The following EPRS1 variants were observed in gnomAD, a reference collection of about 807,000 sequenced individuals.
EPRS1 encodes the protein glutamyl-prolyl-tRNA synthetase 1, also known as bifunctional glutamate/proline--tRNA ligase.
In EPRS1, 107 loss-of-function variants were observed where a neutral mutation model predicts 188.3. The ratio of observed to expected loss-of-function variants is 0.57; its 90% CI spans 0.49 to 0.67. The LOEUF is 0.67. Among genes scored for constraint, EPRS1 ranks in the 30% least tolerant of loss-of-function variants. The pLI, the probability that EPRS1 is intolerant of heterozygous loss-of-function variation, is 0.00. For missense variants in EPRS1, 1,577 were observed against 1,802.2 expected, an observed-to-expected ratio of 0.88 and a Z score of 2.26; for synonymous variants, 596 against 593.1, an observed-to-expected ratio of 1.00 and a Z score of -0.07.
In EPRS1 at chr1:220,019,072, G is replaced by C. The variant is rs1386336059; in HGVS notation, c.1357C>G (p.Pro453Ala). ...ACACCACGAACCGTAGGAAATCTTG[G>C]GTCATCCCTGGAAATATGTAAATTT... ...NEGLVDGWDD[P>A]RFPTVRGVLR... The change falls in exon 11 of 32, where the codon CCA (proline) becomes GCA (alanine). Residue 453 changes from proline (P) to alanine (A), a missense_variant. This residue lies in a region of EPRS1 where 1,278 missense variants were observed against 1,457.4 expected (regional missense o/e 0.88). Coordinates refer to ENST00000366923, the MANE Select transcript of EPRS1 (RefSeq NM_004446.3). 1 of 1,609,854 alleles carries C rather than the reference G, an allele frequency of 6.2e-7. No homozygotes were observed. The highest frequency in any genetic ancestry group is 1.7e-5 in the Admixed American group (1 of 59,928).
intron 13 of EPRS1, among the ~76,000 whole-genome samples, chr1:220,008,563 T>C (rs1661541765): frequency 6.6e-6 from 1 of 152,198 alleles, no homozygotes; most frequent in African/African-American, 2.4e-5. Flanking sequence ...AAATAAAAAA[T>C]ACTTTGCGAC....
chr1:220,038,390 C>CTTTTT (rs71169431), intron 2 of EPRS1, among the ~76,000 whole-genome samples: 12,224 of 101,478 alleles, frequency 0.12, 2,150 homozygotes, highest in East Asian at 0.31. Context: ...CTCAGTTTAT[C>CTTTTT]TTTTTTTTTT....
Position 219,979,587 on chromosome 1 carries a change from T to C in EPRS1, c.3740A>G (p.Asn1247Ser). The part of the protein sequence containing the change: ...QGGTSHHLGQ[N>S]FSKMFEIVFE... ...AACGATTTCAAACATTTTGGAAAAA[T>C]TCTGCCCTAAATGATGTGATGTTCC... The change falls in exon 27 of 32, where the codon AAT (asparagine) becomes AGT (serine). Residue 1247 changes from asparagine to serine, a missense_variant. Around this residue, in one of 3 missense-constraint regions of EPRS1, gnomAD observed 296 missense variants for 327.9 expected, o/e 0.90. Coordinates refer to ENST00000366923, the MANE Select transcript of EPRS1 (RefSeq NM_004446.3). 6.2e-7 allele frequency: 1 copy of C among 1,613,758 alleles called. No homozygotes were observed. Among genetic ancestry groups the C allele is most frequent in the Non-Finnish European group, 8.5e-7 (1 of 1,179,732 alleles).
intron 30 of EPRS1, among the ~76,000 whole-genome samples, chr1:219,970,949 A>T (rs965884244): frequency 6.6e-6 from 1 of 152,200 alleles, no homozygotes. Flanking sequence ...ACAGAATAGT[A>T]AAATGAAAGC....
At chr1:220,023,005 T>A (rs1661907481) in intron 8 of EPRS1, among the ~76,000 whole-genome samples, 1 of 152,200 alleles carries the variant, frequency 6.6e-6, no homozygotes, top group South Asian at 2.1e-4. Flanking sequence ...CGTGCCTATC[T>A]AAAGAACACA....
At chr1:220,022,197 T>G (rs1661890853) in intron 9 of EPRS1, 150 bp downstream of exon 9, 1 of 643,534 alleles carries the variant, frequency 1.6e-6, no homozygotes, top group Admixed American at 2.9e-5. Flanking sequence ...CGTGAAAGGC[T>G]ACATGCCTTT....
intron 17 of EPRS1, among the ~76,000 whole-genome samples, chr1:219,998,314 A>G (rs1661275187): frequency 6.6e-6 from 1 of 152,136 alleles, no homozygotes; most frequent in Non-Finnish European, 1.5e-5. Flanking sequence ...CTCAAGCTGT[A>G]TCAGAGTTGC....
chr1:219,978,949 T>C (rs980927701), intron 27 of EPRS1, among the ~76,000 whole-genome samples: 80 of 50,364 alleles, frequency 1.6e-3, no homozygotes, highest in African/African-American at 5.4e-3. Context: ...TGTGTGTGTA[T>C]ATATATATAT....
rs1255998611 is a variant in EPRS1 at position 220,022,553 on chromosome 1, C to T, written c.944-35G>A. The T allele has an allele frequency of 2.0e-6, 3 of 1,509,510 alleles. No individual in the cohort carries two copies. In the African/African-American group the frequency reaches 4.2e-5, roughly 21 times the overall value. 93.5% of individuals were successfully genotyped at this position (1,509,510 alleles called of 1,614,324 possible). On this transcript the variant is annotated intron_variant, in intron 8 of 31. Transcript: ENST00000366923. ...GATAATTACATTACGGTTCACTAAT[C>T]TGGTTAAATTCAAATTATTCTCATA...
intron 2 of EPRS1, among the ~76,000 whole-genome samples, chr1:220,038,485 G>GGGCTCAGGTGATCATCCT (rs1441468300): frequency 8.3e-5 from 12 of 145,004 alleles, no homozygotes; most frequent in Admixed American, 6.6e-4. Flanking sequence ...TCCGTCTCGT[G>GGGCTCAGGTGATCATCCT]GGCTCAGGTG....
In EPRS1 at chr1:219,980,744, A is replaced by G; in HGVS notation, c.3555+12T>C. ...ATGGAACATAGTTAATATGGAAAAT[A>G]ACTTTTTATACCTCTTCCGCTGCCT... is the stretch of plus-strand genomic sequence containing the variant. On this transcript the variant is annotated intron_variant, in intron 25 of 31. Coordinates refer to ENST00000366923, the MANE Select transcript of EPRS1 (RefSeq NM_004446.3). 1 of 1,579,368 alleles carries G rather than the reference A, an allele frequency of 6.3e-7. No homozygotes were observed. The highest frequency in any genetic ancestry group is 8.7e-7 in the Non-Finnish European group (1 of 1,151,296).
intron 17 of EPRS1, among the ~76,000 whole-genome samples, chr1:219,999,003 C>T (rs1661292279): frequency 6.6e-6 from 1 of 150,456 alleles, no homozygotes; most frequent in Non-Finnish European, 1.5e-5. Context: ...AAGAAGCATG[C>T]AGGAACAAGC....
At chr1:220,022,648 T>A in intron 8 of EPRS1, 130 bp from the exon 9 acceptor site, 1 of 729,992 alleles carries the variant, frequency 1.4e-6, no homozygotes, top group Non-Finnish European at 2.2e-6. Flanking sequence ...AAAAACACTG[T>A]AATATTTCCA....
chr1:219,986,428 C>T (rs1405155146), intron 20 of EPRS1, among the ~76,000 whole-genome samples: 2 of 152,198 alleles, frequency 1.3e-5, no homozygotes, highest in Non-Finnish European at 2.9e-5. Flanking sequence ...ATTTCCCCCA[C>T]TTGATCTGCG....
chr1:219,978,052 A>G (rs2102561878), intron 28 of EPRS1, among the ~76,000 whole-genome samples: 1 of 152,340 alleles, frequency 6.6e-6, no homozygotes, highest in East Asian at 1.9e-4. Context: ...TACAAACAAT[A>G]AAGCAGAATT....
Position 220,046,481 on chromosome 1 carries a change from C to A in EPRS1, c.-93G>T. On this transcript the variant is annotated 5_prime_UTR_variant, in exon 1 of 32. Coordinates refer to ENST00000366923, the MANE Select transcript of EPRS1 (RefSeq NM_004446.3). ...AAAGGAAGAAGATGCAACGTGTGCG[C>A]GTACCCGACGCCGCCGCAGCCTTCG... The A allele has an allele frequency of 1.3e-6, 2 of 1,543,018 alleles. No individual in the cohort carries two copies. Among genetic ancestry groups the A allele is most frequent in the Non-Finnish European group, 8.7e-7 (1 of 1,144,944 alleles).
chr1:219,983,934 GCTATTGA>G (rs1200862455), intron 21 of EPRS1, among the ~76,000 whole-genome samples: 4 of 149,410 alleles, frequency 2.7e-5, no homozygotes, highest in African/African-American at 7.4e-5. Context: ...TCCTGCCTCT[GCTATTGA>G]CTATATCTTT....
intron 18 of EPRS1, among the ~76,000 whole-genome samples, chr1:219,993,191 T>C (rs1661157689): frequency 3.3e-5 from 5 of 151,950 alleles, no homozygotes; most frequent in African/African-American, 7.3e-5. Context: ...ATCAAGCCAC[T>C]GCACTCCAGC....
intron 12 of EPRS1, among the ~76,000 whole-genome samples, chr1:220,011,856 A>G (rs1029373245): frequency 6.6e-6 from 1 of 152,228 alleles, no homozygotes; most frequent in Admixed American, 6.5e-5. Flanking sequence ...TTTAGACACT[A>G]TATATAAAGC....
Sources: allele counts gnomAD v4.1 joint callset (sites outside exome capture counted in the v4.1 genomes callset), GRCh38; gene constraint gnomAD v4.1.1; regional missense constraint gnomAD v4.1.1; transcripts MANE v1.5; gene names NCBI Gene and HGNC (gene_info 2026-07-23, HGNC 2026-07-21).